Variants in ROR1 observed in about 807,000 individuals in gnomAD.
ROR1 encodes inactive tyrosine-protein kinase transmembrane receptor ROR1.
ROR1 carries 19 observed loss-of-function variants against 78.8 expected under a neutral mutation model. That is an observed-to-expected ratio of 0.24 (90% confidence interval 0.17 to 0.35). The LOEUF is 0.35. Ranked by LOEUF, ROR1 falls within the 10% of genes least tolerant of loss-of-function variation. ROR1 has a pLI of 1.00. For missense variants in ROR1, 917 were observed against 1,177.8 expected (o/e 0.78, Z 3.24); for synonymous variants, 386 against 433.6 (o/e 0.89, Z 1.36).
chr1:63,871,411 G>A (rs1005860072), intron 1 of ROR1, among the ~76,000 whole-genome samples: 13 of 152,164 alleles, frequency 8.5e-5, no homozygotes, highest in African/African-American at 2.9e-4. Context: ...TAAATAGAGG[G>A]ATGTTGTGAG....
At chr1:64,029,733 A>G (rs1646644683) in intron 2 of ROR1, among the ~76,000 whole-genome samples, 1 of 152,178 alleles carries the variant, frequency 6.6e-6, no homozygotes. Context: ...TTACCTCATT[A>G]AATGTCATCT....
In ROR1 at chr1:63,952,518, G is replaced by A. The variant is rs534673739; in HGVS notation, c.92-56787G>A. On this transcript the variant is annotated intron_variant, in intron 1 of 8. Coordinates refer to ENST00000371079, the MANE Select transcript of ROR1 (RefSeq NM_005012.4). ...GTTCAGCATAGAAAGAAGGCCAGTG[G>A]CAGCCACTGCAGGGCCCCAGGCATG... Among the ~76,000 whole-genome samples the A allele has an allele frequency of 1.1e-4, 17 of 152,274 alleles. No homozygotes were observed. In the East Asian group the frequency reaches 3.3e-3, roughly 29 times the overall value.
chr1:63,811,520 T>C (rs1644859884), intron 1 of ROR1, among the ~76,000 whole-genome samples: 1 of 152,182 alleles, frequency 6.6e-6, no homozygotes, highest in South Asian at 2.1e-4. Flanking sequence ...CAAGCTTCTG[T>C]GGGCAGCTGA....
intron 4 of ROR1, among the ~76,000 whole-genome samples, chr1:64,086,662 G>A (rs139673034): frequency 6.6e-6 from 1 of 152,278 alleles, no homozygotes; most frequent in East Asian, 1.9e-4. Flanking sequence ...GCCTGGTGAA[G>A]GCAGGGCTGT....
At chr1:64,097,388 A>G (rs1173806056) in intron 4 of ROR1, among the ~76,000 whole-genome samples, 1 of 152,116 alleles carries the variant, frequency 6.6e-6, no homozygotes, top group East Asian at 1.9e-4. Flanking sequence ...GAATCTCCTT[A>G]TTTTGAGGTC....
intron 1 of ROR1, among the ~76,000 whole-genome samples, chr1:63,911,826 T>C (rs1190873609): frequency 2.6e-5 from 4 of 152,132 alleles, no homozygotes; most frequent in Admixed American, 6.5e-5. Flanking sequence ...ACAAGAGATA[T>C]GCTGAGGGGC....
chr1:64,026,631 G>A (rs942064366), intron 2 of ROR1, among the ~76,000 whole-genome samples: 4 of 152,140 alleles, frequency 2.6e-5, no homozygotes, highest in African/African-American at 7.2e-5. Context: ...ATTGACTCAC[G>A]GTTCCACATG....
chr1:63,843,537 TC>T, intron 1 of ROR1: 1 of 743,304 alleles, frequency 1.3e-6, no homozygotes, highest in East Asian at 3.4e-5. Flanking sequence ...CTTCTTGGTC[TC>T]CTCCAGGATG....
At chr1:64,167,537 G>A (rs1306614456) in intron 8 of ROR1, among the ~76,000 whole-genome samples, 1 of 152,198 alleles carries the variant, frequency 6.6e-6, no homozygotes, top group African/African-American at 2.4e-5. Context: ...CAAAATGGCT[G>A]TGGCCTCTAA....
At position 64,050,698 on chromosome 1, in the gene ROR1, C is replaced by T; in HGVS notation, c.464C>T (p.Thr155Ile). Residue 155 changes from threonine to isoleucine, a missense_variant, in exon 4 of 9, where the codon ACT (threonine) becomes ATT (isoleucine). Physicochemically the swap from Thr to Ile is moderately conservative, Grantham distance 89. Transcript: ENST00000371079. Reference protein sequence around the residue: ...VLFVKFGPPPTASPGYSDEYE... With the variant: ...VLFVKFGPPPIASPGYSDEYE... ...TTCATTTCTTCAGGCCCCCCTCCCACTGCAAGTCCAGGATACTCGTAAGTA... is the reference window on the plus strand; with the variant it reads ...TTCATTTCTTCAGGCCCCCCTCCCATTGCAAGTCCAGGATACTCGTAAGTA... 1.2e-6 allele frequency: 2 copies of T among 1,613,950 alleles called. No individual in the cohort carries two copies. Among genetic ancestry groups the T allele is most frequent in the Middle Eastern group, 1.6e-4 (1 of 6,062 alleles).
chr1:63,795,991 TA>T (rs750155143), intron 1 of ROR1, among the ~76,000 whole-genome samples: 1 of 152,240 alleles, frequency 6.6e-6, no homozygotes, highest in Non-Finnish European at 1.5e-5. Flanking sequence ...CCCATCAGAC[TA>T]ATCTGTCGAC....
chr1:64,045,682 C>A (rs900523553), intron 2 of ROR1, among the ~76,000 whole-genome samples: 18 of 152,138 alleles, frequency 1.2e-4, no homozygotes, highest in Admixed American at 6.5e-5. Context: ...GTAAAATGTT[C>A]ATAACAATAA....
At chr1:63,927,959 C>CCTTT (rs770352016) in intron 1 of ROR1, among the ~76,000 whole-genome samples, 1 of 134,204 alleles carries the variant, frequency 7.5e-6, no homozygotes. Context: ...AAGGGGTTCC[C>CCTTT]TTTTTTTTTT....
chr1:63,955,960 G>C (rs1645978851), intron 1 of ROR1, among the ~76,000 whole-genome samples: 1 of 152,136 alleles, frequency 6.6e-6, no homozygotes, highest in Non-Finnish European at 1.5e-5. Context: ...GTACTTATAT[G>C]GGAAGAGAAG....
chr1:64,165,360 C>A (rs1557681157), intron 8 of ROR1, among the ~76,000 whole-genome samples: 3 of 151,992 alleles, frequency 2.0e-5, no homozygotes, highest in Non-Finnish European at 4.4e-5. Flanking sequence ...AGCTTTTTTT[C>A]ATATGTTTGT....
intron 4 of ROR1, among the ~76,000 whole-genome samples, chr1:64,080,539 C>T (rs968469207): frequency 5.9e-5 from 9 of 152,196 alleles, no homozygotes; most frequent in Admixed American, 2.6e-4. Flanking sequence ...AACTCTACCC[C>T]CACCCATCCC....
intron 1 of ROR1, among the ~76,000 whole-genome samples, chr1:63,942,435 A>AT (rs971310773): frequency 1.0e-4 from 15 of 145,422 alleles, no homozygotes; most frequent in Middle Eastern, 3.6e-3. Context: ...TTTATGTACC[A>AT]TTTTTTTTTC....
intron 1 of ROR1, among the ~76,000 whole-genome samples, chr1:63,915,709 G>C (rs918963566): frequency 2.6e-5 from 4 of 152,102 alleles, no homozygotes; most frequent in Admixed American, 6.5e-5. Context: ...GAGTAGTACT[G>C]CTTCCCTGGG....
intron 4 of ROR1, among the ~76,000 whole-genome samples, chr1:64,128,828 A>T (rs1322283202): frequency 6.6e-6 from 1 of 152,156 alleles, no homozygotes; most frequent in East Asian, 1.9e-4. Context: ...GCAGGGCATG[A>T]GGTCAGAGAG....
Sources: gnomAD v4.1 joint callset for allele counts (sites outside exome capture counted in the v4.1 genomes callset) on GRCh38, gnomAD v4.1.1 for gene constraint, MANE v1.5 for transcripts, NCBI Gene and HGNC (gene_info 2026-07-23, HGNC 2026-07-21) for gene names.